Variants in CDH13 observed in about 807,000 individuals in gnomAD.
CDH13 encodes the protein cadherin 13, also known as cadherin-13.
In CDH13, 24 loss-of-function variants were observed where a neutral mutation model predicts 63.8. The observed-to-expected ratio is 0.38, with a 90% CI of 0.27 to 0.53. The LOEUF (loss-of-function observed/expected upper bound fraction) is 0.53. CDH13 is among the 20% of genes least tolerant of loss of function. The probability of loss-of-function intolerance (pLI) is 0.85; values close to 1 mark genes in which losing one functional copy is unlikely to be tolerated. For missense variants in CDH13, 1,049 were observed against 903.1 expected, an observed-to-expected ratio of 1.16 and a Z score of -2.07; for synonymous variants, 503 against 355.3, an observed-to-expected ratio of 1.42 and a Z score of -4.67.
intron 2 of CDH13, among the ~76,000 whole-genome samples, chr16:82,999,549 G>A (rs938192620): frequency 2.0e-5 from 3 of 151,948 alleles, no homozygotes; most frequent in African/African-American, 7.3e-5. Flanking sequence ...ATCAATCAGA[G>A]GTGAATTTTT....
chr16:83,423,029 G>C (rs2071763567), intron 6 of CDH13, among the ~76,000 whole-genome samples: 2 of 152,232 alleles, frequency 1.3e-5, no homozygotes, highest in East Asian at 3.9e-4. Context: ...TCATTTTTGT[G>C]TTCTCTAATT....
chr16:82,808,242 C>T (rs966391096), intron 1 of CDH13, among the ~76,000 whole-genome samples: 1 of 152,162 alleles, frequency 6.6e-6, no homozygotes, highest in South Asian at 2.1e-4. Flanking sequence ...TCATTGCACG[C>T]ATGAAATGAT....
chr16:82,753,232 G>A (rs769670976), intron 1 of CDH13, among the ~76,000 whole-genome samples: 1 of 152,228 alleles, frequency 6.6e-6, no homozygotes, highest in Admixed American at 6.5e-5. Context: ...ACTGGCAGAA[G>A]TACATGGATG....
rs1024650319 is a variant in CDH13 at position 83,752,779 on chromosome 16, G to C, written c.1681+4529G>C. On this transcript the variant is annotated intron_variant, in intron 11 of 13. Transcript: ENST00000567109. Reference sequence around the variant, plus strand: ...AGATAATTCCTACTTATAACGTTGTGAGAAATGAGTGAAGTGCTGTACCCT... The same window carrying C: ...AGATAATTCCTACTTATAACGTTGTCAGAAATGAGTGAAGTGCTGTACCCT... Among the ~76,000 whole-genome samples, 6 of 152,290 alleles carry C rather than the reference G, an allele frequency of 3.9e-5. No homozygotes were observed. In the East Asian group the frequency reaches 9.7e-4, roughly 25 times the overall value.
In CDH13 at chr16:83,080,285, G is replaced by A. The variant is rs1398163330; in HGVS notation, c.367-45100G>A. 5.9e-5 allele frequency among the ~76,000 whole-genome samples: 9 copies of A among 152,174 alleles called. No homozygotes were observed. In the South Asian group the frequency reaches 8.3e-4, roughly 14 times the overall value. ...ACAGCCAGCTGTTTGGTCCCAATTC[G>A]CTGAGACTAGGAATTCAAACCCAGG... On this transcript the variant is annotated intron_variant, in intron 3 of 13. Coordinates refer to ENST00000567109, the MANE Select transcript of CDH13 (RefSeq NM_001257.5).
chr16:83,032,141 C>T lies in CDH13; in HGVS notation c.289C>T (p.His97Tyr), dbSNP rs1347982470. The T allele has an allele frequency of 2.5e-6, 4 of 1,613,680 alleles. No individual in the cohort carries two copies. The highest frequency in any genetic ancestry group is 1.3e-5 in the African/African-American group (1 of 75,044). The part of the protein sequence containing the change: ...ITAVGKTLFV[H>Y]ARTPHAEDMA... ...TGCAGTGGGCAAAACTCTGTTCGTC[C>T]ATGCACGGACCCCCCATGCGGAAGA... The change falls in exon 3 of 14, where the codon CAT (histidine) becomes TAT (tyrosine). Residue 97 changes from histidine (H) to tyrosine (Y), a missense_variant. Coordinates refer to ENST00000567109, the MANE Select transcript of CDH13 (RefSeq NM_001257.5).
At chr16:83,723,079 A>C (rs1462748022) in intron 10 of CDH13, among the ~76,000 whole-genome samples, 1 of 152,248 alleles carries the variant, frequency 6.6e-6, no homozygotes, top group Non-Finnish European at 1.5e-5. Context: ...AGGTGGAATC[A>C]TGCAGACATG....
intron 4 of CDH13, among the ~76,000 whole-genome samples, chr16:83,205,871 A>G (rs1021981633): frequency 5.9e-5 from 9 of 152,062 alleles, no homozygotes; most frequent in African/African-American, 2.2e-4. Context: ...CCAAAGTGTT[A>G]GGATTATAGG....
chr16:83,448,040 T>C (rs1311195694), intron 6 of CDH13, among the ~76,000 whole-genome samples: 1 of 152,126 alleles, frequency 6.6e-6, no homozygotes, highest in African/African-American at 2.4e-5. Context: ...TCCAAGGGAA[T>C]GAGAGGAAAA....
chr16:82,633,025 G>T (rs115920358), intron 1 of CDH13, among the ~76,000 whole-genome samples: 6 of 152,276 alleles, frequency 3.9e-5, no homozygotes, highest in African/African-American at 1.4e-4. Flanking sequence ...AGCCCAGGCG[G>T]TAATGCGAGT....
intron 13 of CDH13, among the ~76,000 whole-genome samples, chr16:83,790,655 G>A (rs560486168): frequency 5.3e-5 from 8 of 151,958 alleles, no homozygotes; most frequent in Non-Finnish European, 1.0e-4. Flanking sequence ...CGCCCGCCTC[G>A]GCCTCCCAAA....
chr16:83,000,135 G>A (rs1484435191), intron 2 of CDH13, among the ~76,000 whole-genome samples: 1 of 148,988 alleles, frequency 6.7e-6, no homozygotes, highest in Non-Finnish European at 1.5e-5. Context: ...TACCTGGTAA[G>A]TGCTCAGTAA....
intron 1 of CDH13, among the ~76,000 whole-genome samples, chr16:82,814,064 T>C: frequency 6.6e-6 from 1 of 152,130 alleles, no homozygotes; most frequent in South Asian, 2.1e-4. Context: ...CCTGAGGGTT[T>C]TATAGTTTGA....
intron 10 of CDH13, among the ~76,000 whole-genome samples, chr16:83,689,308 T>A (rs918863771): frequency 6.6e-6 from 1 of 152,180 alleles, no homozygotes; most frequent in African/African-American, 2.4e-5. Flanking sequence ...TAAACCCATT[T>A]GAAATAGATA....
chr16:83,072,755 C>T (rs1304901185), intron 3 of CDH13, among the ~76,000 whole-genome samples: 1 of 152,088 alleles, frequency 6.6e-6, no homozygotes, highest in Non-Finnish European at 1.5e-5. Context: ...CTAAAATTCC[C>T]CTAAGAACAC....
At chr16:83,273,792 C>T (rs752258016) in intron 5 of CDH13, among the ~76,000 whole-genome samples, 17 of 152,078 alleles carry the variant, frequency 1.1e-4, no homozygotes, top group Admixed American at 5.2e-4. Flanking sequence ...TTCGTAACTA[C>T]GCAGCGAGGT....
chr16:83,496,668 A>C (rs2074152252), intron 7 of CDH13, among the ~76,000 whole-genome samples: 1 of 152,224 alleles, frequency 6.6e-6, no homozygotes, highest in African/African-American at 2.4e-5. Flanking sequence ...AATGGGATCT[A>C]ATTAAACGAA....
At position 82,917,927 on chromosome 16, in the gene CDH13, AAAAAAG is replaced by A. The variant is rs1294599952; in HGVS notation, c.157+59455_157+59460del. Among the ~76,000 whole-genome samples the A allele has an allele frequency of 7.4e-5, 11 of 148,280 alleles. 1 individual carries two copies. The highest frequency in any genetic ancestry group is 2.2e-4 in the African/African-American group (9 of 41,012). On this transcript the variant is annotated intron_variant, in intron 2 of 13. Coordinates refer to ENST00000567109, the MANE Select transcript of CDH13 (RefSeq NM_001257.5). ...GAGACTCCATGTCAAAAAAAAAAAA[AAAAAAG>A]GCATGTAAAGTAAATGGATGCACAT... is the stretch of plus-strand genomic sequence containing the variant.
At chr16:83,586,996 GGT>G (rs1906227507) in intron 7 of CDH13, among the ~76,000 whole-genome samples, 1 of 152,132 alleles carries the variant, frequency 6.6e-6, no homozygotes, top group Non-Finnish European at 1.5e-5. Context: ...GGCTAGAGTG[GGT>G]GGGTGTCATT....
Sources: gnomAD v4.1 joint callset for allele counts (sites outside exome capture counted in the v4.1 genomes callset) on GRCh38, gnomAD v4.1.1 for gene constraint, MANE v1.5 for transcripts, NCBI Gene and HGNC (gene_info 2026-07-23, HGNC 2026-07-21) for gene names.